PAX3: variants seen among roughly 807,000 people sequenced by gnomAD.
PAX3 encodes paired box protein Pax-3.
In PAX3, 14 loss-of-function variants were observed where a neutral mutation model predicts 51.6. The observed-to-expected ratio is 0.27, with a 90% confidence interval of 0.18 to 0.42. PAX3 has a LOEUF of 0.42. PAX3 is among the 10% of genes least tolerant of loss of function. The probability of loss-of-function intolerance (pLI) is 1.00; values close to 1 mark genes in which losing one functional copy is unlikely to be tolerated. For synonymous variants in PAX3, 280 were observed against 253.4 expected, an observed-to-expected ratio of 1.11 and a Z score of -1.00; for missense variants, 540 against 642.8, an observed-to-expected ratio of 0.84 and a Z score of 1.73.
chr2:222,238,007 T>G (rs1390933974), intron 4 of PAX3, among the ~76,000 whole-genome samples: 2 of 152,184 alleles, frequency 1.3e-5, no homozygotes, highest in Non-Finnish European at 2.9e-5. Context: ...AAGTTCGATC[T>G]CAAGCTAATT....
intron 7 of PAX3, 63 bp downstream of exon 7, chr2:222,220,077 C>T: frequency 2.9e-6 from 4 of 1,385,772 alleles, no homozygotes; most frequent in Non-Finnish European, 4.1e-6. Context: ...ACTACTGCCT[C>T]AGGGAATTGA....
chr2:222,209,103 C>A lies in PAX3; in HGVS notation c.1174-6913G>T, dbSNP rs752134368. Among the ~76,000 whole-genome samples, 5 of 152,242 alleles carry A rather than the reference C, an allele frequency of 3.3e-5. No homozygotes were observed. In the Middle Eastern group the frequency reaches 0.01, roughly 311 times the overall value. The stretch of plus-strand genomic sequence containing the variant: ...TGTTGGTCTATATATACTATATTCC[C>A]ATTTCCCTAAAAGTTTTCCCTCTAC... On this transcript the variant is annotated intron_variant, in intron 7 of 8. Coordinates refer to ENST00000392070, the MANE Select transcript of PAX3 (RefSeq NM_181458.4).
Position 222,202,087 on chromosome 2 carries a change from G to C in PAX3, c.1277C>G (p.Ser426Trp), listed in dbSNP as rs369886550. The C allele has an allele frequency of 6.2e-7, 1 of 1,613,982 alleles. No homozygotes were observed. Among genetic ancestry groups the C allele is most frequent in the Non-Finnish European group, 8.5e-7 (1 of 1,179,996 alleles). The change falls in exon 8 of 9, where the codon TCG (serine) becomes TGG (tryptophan). Residue 426 changes from serine (S) to tryptophan (W), a missense_variant. Physicochemically the swap from Ser to Trp is radical, Grantham distance 177. Transcript: ENST00000392070. ...TGGLEPTTTV[S>W]ASCSQRLDHM... is the part of the protein sequence containing the mutation. ...GTCTAGTCTCTGACTGCAGCTGGCCGACACCGTGGTGGTAGGTTCCAGACC... is the reference window on the plus strand; with the variant it reads ...GTCTAGTCTCTGACTGCAGCTGGCCCACACCGTGGTGGTAGGTTCCAGACC...
In PAX3 at chr2:222,232,068, G is replaced by A. The variant is rs1442725390; in HGVS notation, c.792+10C>T. ...ACTGAAGTAGGACACGGAGGTTTGG[G>A]CAACAGTACCTGTACTCGGGCCTCG... On this transcript the variant is annotated intron_variant, in intron 5 of 8. Transcript: ENST00000392070. 1 of 1,612,850 alleles carries A rather than the reference G, an allele frequency of 6.2e-7. No individual in the cohort carries two copies. The highest frequency in any genetic ancestry group is 1.7e-5 in the Admixed American group (1 of 60,006).
chr2:222,229,545 C>T (rs1692507907), intron 5 of PAX3, among the ~76,000 whole-genome samples: 2 of 152,000 alleles, frequency 1.3e-5, no homozygotes, highest in South Asian at 4.1e-4. Context: ...CCTTCACCAC[C>T]ATCTCTTCCT....
chr2:222,256,508 C>T (rs1693650947), intron 4 of PAX3, among the ~76,000 whole-genome samples: 2 of 152,004 alleles, frequency 1.3e-5, no homozygotes. Context: ...CCCTCAGGCA[C>T]AAAGACCCCC....
chr2:222,295,783 G>T, intron 2 of PAX3, 126 bp from the exon 3 acceptor site: 1 of 1,097,458 alleles, frequency 9.1e-7, no homozygotes, highest in Non-Finnish European at 1.4e-6. Context: ...CCCTTTGTGA[G>T]CAAAAAGACC....
At chr2:222,289,068 A>G (rs1281690954) in intron 4 of PAX3, among the ~76,000 whole-genome samples, 1 of 152,284 alleles carries the variant, frequency 6.6e-6, no homozygotes, top group East Asian at 1.9e-4. Flanking sequence ...CAGAGCAGCC[A>G]GTGAGATAAG....
At chr2:222,212,477 T>C (rs1691777186) in intron 7 of PAX3, among the ~76,000 whole-genome samples, 1 of 152,054 alleles carries the variant, frequency 6.6e-6, no homozygotes, top group African/African-American at 2.4e-5. Flanking sequence ...TCAGCAGAGG[T>C]GCAATCGCTA....
At chr2:222,262,550 A>C (rs1440337863) in intron 4 of PAX3, 1 of 151,758 alleles carries the variant, frequency 6.6e-6, no homozygotes, top group Non-Finnish European at 1.5e-5. Flanking sequence ...GATTTCTAAA[A>C]CTCTTTAAAA....
chr2:222,235,139 G>A (rs1043602933), intron 4 of PAX3, among the ~76,000 whole-genome samples: 2 of 152,126 alleles, frequency 1.3e-5, no homozygotes, highest in African/African-American at 4.8e-5. Context: ...AATCAAAATC[G>A]TCTCTGGTTT....
chr2:222,293,238 G>A (rs750622695), intron 4 of PAX3, among the ~76,000 whole-genome samples: 37 of 152,092 alleles, frequency 2.4e-4, no homozygotes, highest in Non-Finnish European at 4.4e-4. Flanking sequence ...TTTGAAGAGG[G>A]GCAACCACCC....
intron 5 of PAX3, among the ~76,000 whole-genome samples, chr2:222,224,112 A>G (rs1031556224): frequency 6.6e-6 from 1 of 152,214 alleles, no homozygotes; most frequent in African/African-American, 2.4e-5. Flanking sequence ...TTGTTTTCAT[A>G]TTTTCTAAAA....
At chr2:222,269,345 C>A (rs1337626552) in intron 4 of PAX3, among the ~76,000 whole-genome samples, 1 of 152,146 alleles carries the variant, frequency 6.6e-6, no homozygotes, top group Non-Finnish European at 1.5e-5. Context: ...TCAAAGATGG[C>A]CCGCATTCTT....
At chr2:222,241,884 T>C (rs889766816) in intron 4 of PAX3, among the ~76,000 whole-genome samples, 3 of 152,238 alleles carry the variant, frequency 2.0e-5, no homozygotes, top group African/African-American at 7.2e-5. Flanking sequence ...AAATAGGACA[T>C]AAGATCATGT....
At chr2:222,245,922 A>C (rs151289477) in intron 4 of PAX3, among the ~76,000 whole-genome samples, 1 of 152,136 alleles carries the variant, frequency 6.6e-6, no homozygotes, top group Admixed American at 6.6e-5. Flanking sequence ...CAGAGGTTGC[A>C]GTGAGTTGAA....
At chr2:222,272,727 C>T (rs190980796) in intron 4 of PAX3, among the ~76,000 whole-genome samples, 2 of 152,332 alleles carry the variant, frequency 1.3e-5, no homozygotes, top group Non-Finnish European at 1.5e-5. Flanking sequence ...TTGATAAAAG[C>T]AGCTAAATCT....
chr2:222,262,408 C>T (rs1395977442), intron 4 of PAX3: 1 of 152,004 alleles, frequency 6.6e-6, no homozygotes, highest in Non-Finnish European at 1.5e-5. Context: ...CTCAACCCCC[C>T]CTCACCATTT....
intron 4 of PAX3, among the ~76,000 whole-genome samples, chr2:222,259,665 G>GA (rs1030096377): frequency 1.3e-5 from 2 of 151,738 alleles, no homozygotes; most frequent in Non-Finnish European, 2.9e-5. Context: ...TGTCATAAAG[G>GA]AAAAAAAATT....
Sources: allele counts gnomAD v4.1 joint callset (sites outside exome capture counted in the v4.1 genomes callset), GRCh38; gene constraint gnomAD v4.1.1; transcripts MANE v1.5; gene names NCBI Gene and HGNC (gene_info 2026-07-23, HGNC 2026-07-21).